The following CTNS variants were observed in gnomAD, a reference collection of about 807,000 sequenced individuals.
CTNS encodes the protein cystinosin.
In CTNS, 27 loss-of-function variants were observed where a neutral mutation model predicts 43.7. That is an observed-to-expected ratio of 0.62 (90% CI 0.46 to 0.85). The LOEUF is 0.85. Among genes scored for constraint, CTNS ranks in the 40% least tolerant of loss-of-function variants. The pLI is 0.00. For missense variants in CTNS, 457 were observed against 475.4 expected, an observed-to-expected ratio of 0.96 and a Z score of 0.36; for synonymous variants, 187 against 190.6, an observed-to-expected ratio of 0.98 and a Z score of 0.16.
chr17:3,654,978 A>G lies in CTNS; in HGVS notation c.226-20A>G. 1 of 1,572,148 alleles carries G rather than the reference A, an allele frequency of 6.4e-7. No individual in the cohort carries two copies. The highest frequency in any genetic ancestry group is 8.8e-7 in the Non-Finnish European group (1 of 1,141,598). ...GGTAACTGTACGTGGCATCGGATTG[A>G]ACCTCAGTCTTCCTAACAGGTTGTG... On this transcript the variant is annotated intron_variant, in intron 5 of 11. Coordinates refer to ENST00000046640, the MANE Select transcript of CTNS (RefSeq NM_004937.3).
chr17:3,656,207 GTCCTTA>G (rs2076135494), intron 7 of CTNS, among the ~76,000 whole-genome samples: 1 of 61,056 alleles, frequency 1.6e-5, no homozygotes, highest in Non-Finnish European at 2.8e-5. Flanking sequence ...ACCCCCGCCA[GTCCTTA>G]CCCACTGCCC....
rs111496370 is a variant in CTNS, at chr17:3,650,371, A to G, written c.225+1440A>G. ...GAGATGTGCACCTGTAATCCCAGCT[A>G]CTTGGGAGGCTGAGGCAGGAGAATC... is the stretch of plus-strand genomic sequence containing the variant. On this transcript the variant is annotated intron_variant, in intron 5 of 11. Coordinates refer to ENST00000046640, the MANE Select transcript of CTNS (RefSeq NM_004937.3). 3.5e-3 allele frequency: 5,419 copies of G among 1,539,460 alleles called. 118 individuals are homozygous for G. The East Asian group carries it at 0.061, about 17-fold the overall frequency.
chr17:3,659,099 A>G (rs2076224722), intron 10 of CTNS, among the ~76,000 whole-genome samples: 1 of 152,170 alleles, frequency 6.6e-6, no homozygotes, highest in African/African-American at 2.4e-5. Context: ...CTGGAGGGGC[A>G]GCAGCAAGTA....
chr17:3,640,939 G>C (rs2075671067), intron 3 of CTNS, among the ~76,000 whole-genome samples: 1 of 152,106 alleles, frequency 6.6e-6, no homozygotes, highest in South Asian at 2.1e-4. Context: ...TTATGCCTCT[G>C]CCCTGTGGAC....
chr17:3,660,696 C>G lies in CTNS; in HGVS notation c.*327C>G. On this transcript the variant is annotated 3_prime_UTR_variant, in exon 12 of 12. Coordinates refer to ENST00000046640, the MANE Select transcript of CTNS (RefSeq NM_004937.3). Reference sequence around the variant, plus strand: ...AAGCTTGCAGCCGAAGGCCTTGCCCCAAACTACCAGCGTTTCTGCAAGCAG... The same window carrying G: ...AAGCTTGCAGCCGAAGGCCTTGCCCGAAACTACCAGCGTTTCTGCAAGCAG... The G allele has an allele frequency of 6.2e-7, 1 of 1,613,558 alleles. No individual in the cohort carries two copies. The highest frequency in any genetic ancestry group is 1.3e-5 in the African/African-American group (1 of 75,078).
intron 3 of CTNS, among the ~76,000 whole-genome samples, chr17:3,641,171 CGTCCTT>C (rs1567695758): frequency 6.6e-6 from 1 of 151,626 alleles, no homozygotes; most frequent in African/African-American, 2.4e-5. Flanking sequence ...GGAGTTTACA[CGTCCTT>C]GTAGGAGGAA....
intron 3 of CTNS, among the ~76,000 whole-genome samples, chr17:3,644,399 A>G (rs575096830): frequency 1.1e-4 from 16 of 152,292 alleles, no homozygotes; most frequent in African/African-American, 3.6e-4. Flanking sequence ...GGTGCTAAAG[A>G]AGGAGGGAAT....
chr17:3,648,985 T>C, intron 5 of CTNS, 54 bp downstream of exon 5: 2 of 1,424,938 alleles, frequency 1.4e-6, no homozygotes, highest in African/African-American at 1.4e-5. Context: ...ACAGAACACA[T>C]TTGAATTAAG....
At chr17:3,638,226 GTTTTTTTTTTGTT>G (rs75283325) in intron 2 of CTNS, among the ~76,000 whole-genome samples, 64,143 of 148,876 alleles carry the variant, frequency 0.43, 14,341 homozygotes, top group Non-Finnish European at 0.5. Flanking sequence ...TATCAATCTG[GTTTTTTTTTTGTT>G]TTTTTTTTTT....
At chr17:3,650,739 G>A (rs971598965) in intron 5 of CTNS, among the ~76,000 whole-genome samples, 2 of 152,082 alleles carry the variant, frequency 1.3e-5, no homozygotes, top group Non-Finnish European at 2.9e-5. Flanking sequence ...TGATTGCTTC[G>A]TTTAGGGCCA....
Position 3,659,926 on chromosome 17 carries a change from C to CG in CTNS, c.926dup (p.Ser310GlnfsTer55), listed in dbSNP as rs786204420. ...TTGGCAACGTGCTCCTGGACTTCAC[C>CG]GGGGGCAGCTTCAGCCTCCTGCAGA... On this transcript the variant is annotated frameshift_variant, in exon 11 of 12. Coordinates refer to ENST00000046640, the MANE Select transcript of CTNS (RefSeq NM_004937.3). LOFTEE classifies it high-confidence loss of function. 1.2e-5 allele frequency: 20 copies of CG among 1,613,832 alleles called. No individual in the cohort carries two copies. Among genetic ancestry groups the CG allele is most frequent in the Non-Finnish European group, 1.4e-5 (17 of 1,180,020 alleles).
intron 9 of CTNS, 55 bp downstream of exon 9, chr17:3,656,850 C>CCAACACCG (rs1597655725): frequency 5.0e-6 from 8 of 1,609,984 alleles, no homozygotes. Context: ...CGCCACCCCA[C>CCAACACCG]CTCACCTTTG....
rs1361565600 is a variant in CTNS, at chr17:3,661,968, G to A, written c.*1599G>A. On this transcript the variant is annotated 3_prime_UTR_variant, in exon 12 of 12. Coordinates refer to ENST00000046640, the MANE Select transcript of CTNS (RefSeq NM_004937.3). ...AGACCTGTTTCACTTGCAACACCCA[G>A]TAAATGTGTTACTGGGTGCCCTACT... is the stretch of plus-strand genomic sequence containing the variant. Among the ~76,000 whole-genome samples the A allele has an allele frequency of 6.6e-6, 1 of 152,214 alleles. No individual in the cohort carries two copies. Among genetic ancestry groups the A allele is most frequent in the African/African-American group, 2.4e-5 (1 of 41,452 alleles).
intron 5 of CTNS, among the ~76,000 whole-genome samples, chr17:3,651,823 A>G (rs2075991311): frequency 6.6e-6 from 1 of 151,726 alleles, no homozygotes; most frequent in Non-Finnish European, 1.5e-5. Context: ...AAATACAAAA[A>G]TTAGCCAGGT....
rs2076191869 is a variant in CTNS at position 3,657,912 on chromosome 17, C to T, written c.682-93C>T. 4 of 1,479,210 alleles carry T rather than the reference C, an allele frequency of 2.7e-6. No individual in the cohort carries two copies. In the East Asian group the frequency reaches 6.8e-5, roughly 25 times the overall value. The allele number at this position is 1,479,210 out of a possible 1,614,324, so 91.6% of individuals were successfully genotyped here. ...AAGGCCAGGGTCCAGCCTCCGTGCC[C>T]CTCTCTAAGCCCGCCCTATCCGGGG... On this transcript the variant is annotated intron_variant, in intron 9 of 11. Coordinates refer to ENST00000046640, the MANE Select transcript of CTNS (RefSeq NM_004937.3).
At chr17:3,643,057 G>A (rs2075757679) in intron 3 of CTNS, among the ~76,000 whole-genome samples, 1 of 152,208 alleles carries the variant, frequency 6.6e-6, no homozygotes, top group South Asian at 2.1e-4. Context: ...GCTCACGCCT[G>A]TAATCCCAGC....
intron 3 of CTNS, among the ~76,000 whole-genome samples, chr17:3,641,384 ATTT>A (rs869072123): frequency 3.3e-3 from 103 of 31,138 alleles, no homozygotes; most frequent in East Asian, 0.016. Context: ...ATATATATAT[ATTT>A]TTTTTTTTTT....
Position 3,660,606 on chromosome 17 carries a change from TTTTC to T in CTNS, c.*241_*244del, listed in dbSNP as rs761471459. 4.8e-5 allele frequency: 78 copies of T among 1,612,970 alleles called. No individual in the cohort carries two copies. Among genetic ancestry groups the T allele is most frequent in the Non-Finnish European group, 6.4e-5 (75 of 1,179,586 alleles). On this transcript the variant is annotated 3_prime_UTR_variant, in exon 12 of 12. Transcript: ENST00000046640. ...ACCGTCGCCTTGACACCGCCATCTC[TTTTC>T]TTTAAGGCTTCAGGCAGCGCGCACA...
At chr17:3,640,298 A>C (rs1366041906) in intron 3 of CTNS, 31 bp downstream of exon 3, 2 of 1,599,460 alleles carry the variant, frequency 1.3e-6, no homozygotes, top group African/African-American at 2.7e-5. Flanking sequence ...TCAACTTTGT[A>C]AAGAGGGAAA....
Sources: gnomAD v4.1 joint callset for allele counts (sites outside exome capture counted in the v4.1 genomes callset) on GRCh38, gnomAD v4.1.1 for gene constraint, MANE v1.5 for transcripts, NCBI Gene and HGNC (gene_info 2026-07-23, HGNC 2026-07-21) for gene names.